Variants in RIT1 observed in about 807,000 individuals in gnomAD.
RIT1 encodes the protein GTP-binding protein Rit1.
A neutral mutation model predicts 25.6 loss-of-function variants in RIT1; 6 were observed. That is an observed-to-expected ratio of 0.23 (90% CI 0.13 to 0.46). The LOEUF is 0.46. RIT1 is among the 20% of genes least tolerant of loss of function. The pLI, the probability that RIT1 is intolerant of heterozygous loss-of-function variation, is 0.99. For missense variants in RIT1, 219 were observed against 284.4 expected (o/e 0.77, Z 1.65); for synonymous variants, 81 against 94.1 (o/e 0.86, Z 0.80).
intron 1 of RIT1, 102 bp downstream of exon 1, chr1:155,911,141 C>T (rs1673590960): frequency 1.8e-6 from 1 of 563,286 alleles, no homozygotes; most frequent in East Asian, 3.0e-5. Context: ...GGGGTTCTCT[C>T]ACGTCTGCGG....
At chr1:155,907,011 G>A (rs1327385866) in intron 3 of RIT1, among the ~76,000 whole-genome samples, 1 of 151,666 alleles carries the variant, frequency 6.6e-6, no homozygotes, top group Non-Finnish European at 1.5e-5. Flanking sequence ...GGTAGGGTGA[G>A]GCGGGAGGAT....
chr1:155,904,770 A>T lies in RIT1; in HGVS notation c.198T>A (p.Asp66Glu). The change falls in exon 4 of 6, where the codon GAT (aspartate) becomes GAA (glutamate). Residue 66 changes from aspartate (D) to glutamate (E), a missense_variant. Physicochemically the swap from Asp to Glu is conservative, Grantham distance 45. Around this residue, in one of 3 missense-constraint regions of RIT1, gnomAD observed 131 missense variants for 173.6 expected, o/e 0.75. Coordinates refer to ENST00000368323, the MANE Select transcript of RIT1 (RefSeq NM_006912.6). ...CCAAAATGTCCAGATTGGCAGGCTC[A>T]TCATCAATACGGATCCTGATCTTAT... is the stretch of plus-strand genomic sequence containing the variant. Reference protein sequence around the residue: ...DAYKIRIRIDDEPANLDILDT... With the variant: ...DAYKIRIRIDEEPANLDILDT... 1 of 1,612,804 alleles carries T rather than the reference A, an allele frequency of 6.2e-7. No homozygotes were observed. Among genetic ancestry groups the T allele is most frequent in the Admixed American group, 1.7e-5 (1 of 60,006 alleles).
chr1:155,911,133 G>C, intron 1 of RIT1, 110 bp downstream of exon 1: 1 of 566,494 alleles, frequency 1.8e-6, no homozygotes, highest in Middle Eastern at 4.7e-4. Flanking sequence ...AGGCCGCAGG[G>C]GTTCTCTCAC....
At chr1:155,908,099 AAC>A (rs1379979611) in intron 3 of RIT1, among the ~76,000 whole-genome samples, 1,970 of 149,536 alleles carry the variant, frequency 0.013, 37 homozygotes, top group African/African-American at 0.046. Flanking sequence ...AAAAAAAAAA[AAC>A]AAAAAAAAAA....
intron 5 of RIT1, 134 bp downstream of exon 5, chr1:155,904,177 G>A: frequency 1.5e-6 from 1 of 668,430 alleles, no homozygotes; most frequent in East Asian, 2.7e-5. Context: ...GTACTGGTGT[G>A]AGCCACCTCA....
At chr1:155,905,509 T>C (rs1673419645) in intron 3 of RIT1, among the ~76,000 whole-genome samples, 1 of 151,352 alleles carries the variant, frequency 6.6e-6, no homozygotes, top group African/African-American at 2.4e-5. Context: ...CGAGACCCCA[T>C]CTCTTAGGGG....
In RIT1 at chr1:155,898,902, ACT is replaced by A. The variant is rs1377547774; in HGVS notation, c.*1484_*1485del. The A allele has an allele frequency of 1.9e-5, 4 of 207,206 alleles. No homozygotes were observed. The highest frequency in any genetic ancestry group is 3.9e-5 in the Non-Finnish European group (4 of 101,562). 12.8% of individuals were successfully genotyped at this position (207,206 alleles called of 1,614,324 possible). A position where few individuals can be genotyped will look rare whatever the true frequency, so the allele number is the denominator to read the frequency against. On this transcript the variant is annotated 3_prime_UTR_variant, in exon 6 of 6. Coordinates refer to ENST00000368323, the MANE Select transcript of RIT1 (RefSeq NM_006912.6). ...TCATTTGTTTATAAAGAAAAACACA[ACT>A]CTGTCCTACTTCCTCTAATAAAAAT...
At chr1:155,911,002 A>AC in intron 1 of RIT1, 198 bp from the exon 2 acceptor site, 1 of 1,185,156 alleles carries the variant, frequency 8.4e-7, no homozygotes, top group Non-Finnish European at 1.2e-6. Context: ...CAGTTCAGTC[A>AC]CATGACACAT....
intron 5 of RIT1, among the ~76,000 whole-genome samples, chr1:155,903,967 A>T (rs1673373775): frequency 6.6e-6 from 1 of 152,122 alleles, no homozygotes; most frequent in African/African-American, 2.4e-5. Context: ...CTGTAGCCCC[A>T]ACCTCACTGC....
chr1:155,910,840 G>A, intron 1 of RIT1, 36 bp from the exon 2 acceptor site: 1 of 1,610,438 alleles, frequency 6.2e-7, no homozygotes, highest in African/African-American at 1.3e-5. Context: ...ATCCAGGATG[G>A]AGACACCACG....
intron 3 of RIT1, among the ~76,000 whole-genome samples, chr1:155,906,531 C>T (rs1673441553): frequency 6.6e-6 from 1 of 152,054 alleles, no homozygotes. Context: ...GAGGCTGAGG[C>T]GGGTGGATCA....
chr1:155,903,023 C>T (rs1279442141), intron 5 of RIT1, among the ~76,000 whole-genome samples: 3 of 151,468 alleles, frequency 2.0e-5, no homozygotes, highest in Non-Finnish European at 2.9e-5. Context: ...TTAGGCCGGG[C>T]GCGGTGGCTC....
chr1:155,898,091 T>C lies in RIT1; in HGVS notation c.*2297A>G, dbSNP rs561871878. On this transcript the variant is annotated 3_prime_UTR_variant, in exon 6 of 6. Coordinates refer to ENST00000368323, the MANE Select transcript of RIT1 (RefSeq NM_006912.6). ...TCAAAGTTCTAGGCAGTAATTTTAA[T>C]GCCCTCAAATTAGATAAAGCTGATT... 3 of 152,430 alleles carry C rather than the reference T, an allele frequency of 2.0e-5. No homozygotes were observed. Among genetic ancestry groups the C allele is most frequent in the East Asian group, 1.9e-4 (1 of 5,326 alleles). 9.4% of individuals were successfully genotyped at this position (152,430 alleles called of 1,614,324 possible). A position where few individuals can be genotyped will look rare whatever the true frequency, so the allele number is the denominator to read the frequency against.
Position 155,903,469 on chromosome 1 carries a change from AAAAAAGAAAGAAACAC to A in RIT1, c.429+826_429+841del, listed in dbSNP as rs1241990506. Among the ~76,000 whole-genome samples the A allele has an allele frequency of 2.0e-5, 3 of 151,442 alleles. No individual in the cohort carries two copies. In the East Asian group the frequency reaches 5.8e-4, roughly 29 times the overall value. Reference sequence around the variant, plus strand: ...CTCTGTCTCAAAAAAAAAAAAAAAAAAAAAAGAAAGAAACACAAAGGGAGGGAAAGAGATATATGCT... The same window carrying A: ...CTCTGTCTCAAAAAAAAAAAAAAAAAAAAGGGAGGGAAAGAGATATATGCT... On this transcript the variant is annotated intron_variant, in intron 5 of 5. Coordinates refer to ENST00000368323, the MANE Select transcript of RIT1 (RefSeq NM_006912.6).
At chr1:155,902,547 CAA>C (rs1373364569) in intron 5 of RIT1, among the ~76,000 whole-genome samples, 5 of 148,992 alleles carry the variant, frequency 3.4e-5, no homozygotes, top group Admixed American at 3.4e-4. Flanking sequence ...AAAAACAACA[CAA>C]AACAAAAAAA....
At chr1:155,902,828 G>GT (rs1673339695) in intron 5 of RIT1, among the ~76,000 whole-genome samples, 1 of 151,512 alleles carries the variant, frequency 6.6e-6, no homozygotes, top group African/African-American at 2.4e-5. Context: ...GGGCAACAGA[G>GT]TGAGACTCTG....
rs1425104922 is a variant in RIT1, at chr1:155,899,699, C to T, written c.*689G>A. 4.4e-6 allele frequency: 1 copy of T among 225,190 alleles called. No individual in the cohort carries two copies. Among genetic ancestry groups the T allele is most frequent in the Non-Finnish European group, 8.8e-6 (1 of 113,126 alleles). 13.9% of individuals were successfully genotyped at this position (225,190 alleles called of 1,614,324 possible). ...AGTAAAATAAGGTTCCCAGGAGAAA[C>T]CTTCATCACATTTTATGCTTCTGGC... On this transcript the variant is annotated 3_prime_UTR_variant, in exon 6 of 6. Transcript: ENST00000368323.
Position 155,902,164 on chromosome 1 carries a change from T to C in RIT1, c.430-1546A>G, listed in dbSNP as rs182748403. 1.6e-3 allele frequency among the ~76,000 whole-genome samples: 238 copies of C among 152,282 alleles called. 2 individuals are homozygous for C. The highest frequency in any genetic ancestry group is 4.8e-3 in the African/African-American group (198 of 41,556). ...CAGTGTTTTTTGTAGATTCTCGTTCTATATCTCATCACAGTGCCAGCCCTG... is the reference window on the plus strand; with the variant it reads ...CAGTGTTTTTTGTAGATTCTCGTTCCATATCTCATCACAGTGCCAGCCCTG... On this transcript the variant is annotated intron_variant, in intron 5 of 5. Coordinates refer to ENST00000368323, the MANE Select transcript of RIT1 (RefSeq NM_006912.6).
intron 3 of RIT1, among the ~76,000 whole-genome samples, chr1:155,907,845 C>T (rs1300284441): frequency 1.3e-5 from 2 of 152,178 alleles, no homozygotes; most frequent in African/African-American, 4.8e-5. Flanking sequence ...AATCCCAGCA[C>T]TTTGGGAGGC....
Sources: allele counts gnomAD v4.1 joint callset (sites outside exome capture counted in the v4.1 genomes callset), GRCh38; gene constraint gnomAD v4.1.1; regional missense constraint gnomAD v4.1.1; transcripts MANE v1.5; gene names NCBI Gene and HGNC (gene_info 2026-07-23, HGNC 2026-07-21).